PCDHGA1: variants seen among roughly 807,000 people sequenced by gnomAD.
PCDHGA1 encodes protocadherin gamma-A1.
Under a neutral mutation model 58.0 loss-of-function variants are expected in PCDHGA1, and 32 were observed. That is an observed-to-expected ratio of 0.55 (90% CI 0.42 to 0.74). The LOEUF (loss-of-function observed/expected upper bound fraction) is 0.74, where lower values mean the gene tolerates loss of function less well. PCDHGA1 is among the 30% of genes least tolerant of loss of function. The pLI is 0.00. For missense variants in PCDHGA1, 1,205 were observed against 1,182.3 expected (o/e 1.02, Z -0.28); for synonymous variants, 498 against 501.1 (o/e 0.99, Z 0.08).
intron 1 of PCDHGA1, chr5:141,338,804 G>A (rs1305865399): frequency 3.7e-5 from 51 of 1,369,542 alleles, no homozygotes; most frequent in Non-Finnish European, 4.7e-5. Flanking sequence ...TGGAGGTTTG[G>A]CCCTAAAGCT....
In PCDHGA1 at chr5:141,364,165, C is replaced by A. The variant is rs556224229; in HGVS notation, c.2421+31060C>A. ...GGAAAGAAGCTGCCGCAGAGGCGAC[C>A]CGACTCTGCTCCCTCCATACTAAAC... On this transcript the variant is annotated intron_variant, in intron 1 of 3. Coordinates refer to ENST00000517417, the MANE Select transcript of PCDHGA1 (RefSeq NM_018912.3). The A allele has an allele frequency of 4.3e-6, 3 of 699,866 alleles. No individual in the cohort carries two copies. In the Admixed American group the frequency reaches 1.1e-4, roughly 26 times the overall value. 43.4% of individuals were successfully genotyped at this position (699,866 alleles called of 1,614,324 possible).
intron 1 of PCDHGA1, among the ~76,000 whole-genome samples, chr5:141,465,687 T>C (rs1290838979): frequency 1.3e-5 from 2 of 152,248 alleles, no homozygotes; most frequent in Non-Finnish European, 2.9e-5. Flanking sequence ...TTGACCAGTC[T>C]GCTTTTGCAT....
chr5:141,453,997 A>C (rs1332821058), intron 1 of PCDHGA1, among the ~76,000 whole-genome samples: 2 of 152,242 alleles, frequency 1.3e-5, no homozygotes, highest in Non-Finnish European at 2.9e-5. Context: ...TGATAAACCC[A>C]CATAACATTT....
At chr5:141,387,885 A>C (rs748815627) in intron 1 of PCDHGA1, 1 of 1,578,800 alleles carries the variant, frequency 6.3e-7, no homozygotes, top group Non-Finnish European at 8.6e-7. Flanking sequence ...AGCAAGAGGG[A>C]TGGGGAGCGG....
rs750182814 is a variant in PCDHGA1, at chr5:141,375,970, G to T, written c.2421+42865G>T. 15 of 1,613,334 alleles carry T rather than the reference G, an allele frequency of 9.3e-6. No homozygotes were observed. The South Asian group carries it at 1.6e-4, about 18-fold the overall frequency. Reference sequence around the variant, plus strand: ...TGCACACGGGCGAGGTGCGCACGGCGCGCGCCCTGCTGGACAGAGACGCGC... The same window carrying T: ...TGCACACGGGCGAGGTGCGCACGGCTCGCGCCCTGCTGGACAGAGACGCGC... On this transcript the variant is annotated intron_variant, in intron 1 of 3. Transcript: ENST00000517417.
At chr5:141,355,738 C>T in intron 1 of PCDHGA1, 1 of 1,613,980 alleles carries the variant, frequency 6.2e-7, no homozygotes, top group African/African-American at 1.3e-5. Context: ...TTACTTTTCC[C>T]TGGACGTGCA....
chr5:141,419,514 T>C (rs1180212485), intron 1 of PCDHGA1: 1 of 1,612,266 alleles, frequency 6.2e-7, no homozygotes, highest in Admixed American at 1.7e-5. Context: ...CGCGTGTTGG[T>C]GGGCGACCGT....
At chr5:141,415,425 T>G (rs777503392) in intron 1 of PCDHGA1, 7 of 1,614,080 alleles carry the variant, frequency 4.3e-6, no homozygotes, top group African/African-American at 1.3e-5. Context: ...TGGACGGGGT[T>G]CGGGCTTTCC....
intron 1 of PCDHGA1, among the ~76,000 whole-genome samples, chr5:141,473,033 G>A (rs1199215390): frequency 1.4e-5 from 2 of 146,282 alleles, no homozygotes. Flanking sequence ...AAGGAAGGAA[G>A]GAAAGAAAGA....
In PCDHGA1 at chr5:141,511,116, G is replaced by A. The variant is rs2099883616; in HGVS notation, c.2739G>A (p.Lys913=). Residue 913 remains lysine, a synonymous_variant, in exon 4 of 4, where the codon AAG becomes AAA. Transcript: ENST00000517417. The stretch of plus-strand genomic sequence containing the variant: ...ACGCAGCTGGCAAGCGGGATGGCAA[G>A]GCCCCAGCAGGTGGCAATGGCAACA... ...LTNAAGKRDG[K]APAGGNGNKK... The A allele has an allele frequency of 1.9e-6, 3 of 1,614,234 alleles. No individual in the cohort carries two copies. The highest frequency in any genetic ancestry group is 2.5e-6 in the Non-Finnish European group (3 of 1,180,026).
At position 141,487,030 on chromosome 5, in the gene PCDHGA1, T is replaced by C. The variant is rs773121109; in HGVS notation, c.2422-7777T>C. Reference sequence around the variant, plus strand: ...TGGAGGCCCCAGATCCCAGCCTGTTTGCAGTCTCTCGATATGCTGGGGAGG... The same window carrying C: ...TGGAGGCCCCAGATCCCAGCCTGTTCGCAGTCTCTCGATATGCTGGGGAGG... On this transcript the variant is annotated intron_variant, in intron 1 of 3. Coordinates refer to ENST00000517417, the MANE Select transcript of PCDHGA1 (RefSeq NM_018912.3). The surrounding 1 kb of genome is among the most constrained non-coding windows in gnomAD (Gnocchi z 5.0). 12 of 1,614,100 alleles carry C rather than the reference T, an allele frequency of 7.4e-6. No homozygotes were observed. Among genetic ancestry groups the C allele is most frequent in the Non-Finnish European group, 1.0e-5 (12 of 1,180,044 alleles).
chr5:141,356,741 T>C, intron 1 of PCDHGA1: 1 of 1,614,006 alleles, frequency 6.2e-7, no homozygotes, highest in Non-Finnish European at 8.5e-7. Flanking sequence ...ACAGGGATCC[T>C]ATATGCTCTT....
intron 1 of PCDHGA1, chr5:141,371,926 G>A (rs766218641): frequency 2.5e-6 from 4 of 1,613,370 alleles, no homozygotes; most frequent in East Asian, 4.5e-5. Context: ...AGCGCGCGGA[G>A]CGGGGTGGTG....
At chr5:141,364,626 G>A (rs1188040280) in intron 1 of PCDHGA1, 1 of 1,614,162 alleles carries the variant, frequency 6.2e-7, no homozygotes, top group East Asian at 2.2e-5. Flanking sequence ...TGCGCTCAGA[G>A]CCCACTGTGT....
rs1441582051 is a variant in PCDHGA1, at chr5:141,487,416, G to A, written c.2422-7391G>A. 1 of 1,614,088 alleles carries A rather than the reference G, an allele frequency of 6.2e-7. No individual in the cohort carries two copies. Among genetic ancestry groups the A allele is most frequent in the Admixed American group, 1.7e-5 (1 of 60,024 alleles). On this transcript the variant is annotated intron_variant, in intron 1 of 3. Coordinates refer to ENST00000517417, the MANE Select transcript of PCDHGA1 (RefSeq NM_018912.3). The surrounding 1 kb of genome is among the most constrained non-coding windows in gnomAD (Gnocchi z 5.0). ...AGGGAGGGGCTTCCCCCTTCCAATGGGATCCTCCGAATCCAGCTAGGGTCA... is the reference window on the plus strand; with the variant it reads ...AGGGAGGGGCTTCCCCCTTCCAATGAGATCCTCCGAATCCAGCTAGGGTCA...
At chr5:141,389,498 A>T (rs376900362) in intron 1 of PCDHGA1, 6 of 1,612,928 alleles carry the variant, frequency 3.7e-6, no homozygotes, top group African/African-American at 1.3e-5. Context: ...AGGGCTCGCC[A>T]GCGCTCAGCG....
At position 141,431,270 on chromosome 5, in the gene PCDHGA1, G is replaced by C. The variant is rs369177310; in HGVS notation, c.2422-63537G>C. 1.2e-5 allele frequency: 19 copies of C among 1,613,996 alleles called. No homozygotes were observed. Among genetic ancestry groups the C allele is most frequent in the Non-Finnish European group, 1.5e-5 (18 of 1,180,018 alleles). ...CGGGAAGAACTCTCTGCAGAGCTAC[G>C]AGCTCAGCCCGAACACTCACTTCTC... is the stretch of plus-strand genomic sequence containing the variant. On this transcript the variant is annotated intron_variant, in intron 1 of 3. Coordinates refer to ENST00000517417, the MANE Select transcript of PCDHGA1 (RefSeq NM_018912.3). This position sits in a 1 kb window ranked among gnomAD's most constrained non-coding sequence, Gnocchi z 4.8.
rs145288114 is a variant in PCDHGA1 at position 141,477,334 on chromosome 5, C to T, written c.2422-17473C>T. On this transcript the variant is annotated intron_variant, in intron 1 of 3. Coordinates refer to ENST00000517417, the MANE Select transcript of PCDHGA1 (RefSeq NM_018912.3). This position sits in a 1 kb window ranked among gnomAD's most constrained non-coding sequence, Gnocchi z 4.9. ...GCCTTACTTCTTCCCTCAAGAATTA[C>T]TTCACTTTGAAAACCAGTGCAGACC... is the stretch of plus-strand genomic sequence containing the variant. 1.3e-4 allele frequency: 215 copies of T among 1,614,074 alleles called. No homozygotes were observed. Among genetic ancestry groups the T allele is most frequent in the Non-Finnish European group, 1.8e-4 (210 of 1,180,044 alleles).
chr5:141,381,689 C>A lies in PCDHGA1; in HGVS notation c.2421+48584C>A, dbSNP rs548691945. 4.6e-5 allele frequency among the ~76,000 whole-genome samples: 7 copies of A among 152,268 alleles called. No individual in the cohort carries two copies. In the South Asian group the frequency reaches 1.2e-3, roughly 27 times the overall value. ...AGCTGATTGCTGCAGCCAAGACAAA[C>A]AACGATTTCTTTCTTTTTTTCTCAC... On this transcript the variant is annotated intron_variant, in intron 1 of 3. Transcript: ENST00000517417.
Sources: allele counts gnomAD v4.1 joint callset (sites outside exome capture counted in the v4.1 genomes callset), GRCh38; gene constraint gnomAD v4.1.1; non-coding constraint Gnocchi (gnomAD v3.1); transcripts MANE v1.5; gene names NCBI Gene and HGNC (gene_info 2026-07-23, HGNC 2026-07-21).